CHD9: variants seen among roughly 807,000 people sequenced by gnomAD.
The protein encoded by CHD9 is ATP-dependent chromatin remodeler CHD9.
A neutral mutation model predicts 316.1 loss-of-function variants in CHD9; 77 were observed. That is an observed-to-expected ratio of 0.24 (90% CI 0.20 to 0.29). The LOEUF is 0.29. Ranked by LOEUF, CHD9 falls within the 10% of genes least tolerant of loss-of-function variation. The pLI is 1.00. For missense variants in CHD9, 2,763 were observed against 3,438.1 expected (o/e 0.80, Z 4.91); for synonymous variants, 1,129 against 1,158.3 (o/e 0.97, Z 0.51).
At chr16:53,163,820 TA>T (rs1274547917) in intron 2 of CHD9, among the ~76,000 whole-genome samples, 2 of 152,324 alleles carry the variant, frequency 1.3e-5, no homozygotes, top group African/African-American at 2.4e-5. Context: ...AGCATAGTAA[TA>T]AAAAATTAGA....
intron 1 of CHD9, among the ~76,000 whole-genome samples, chr16:53,113,170 C>T (rs1013816901): frequency 2.0e-5 from 3 of 151,926 alleles, no homozygotes; most frequent in South Asian, 2.1e-4. Flanking sequence ...GGTGACAGAG[C>T]GAGACCTTGT....
At chr16:53,274,059 ATATAT>A (rs2052553847) in intron 23 of CHD9, among the ~76,000 whole-genome samples, 149 bp from the exon 24 acceptor site, 1 of 152,182 alleles carries the variant, frequency 6.6e-6, no homozygotes, top group Non-Finnish European at 1.5e-5. Context: ...GAAGTTCTTT[ATATAT>A]ATGGTAGTAA....
intron 16 of CHD9, chr16:53,248,081 C>CT (rs1420680432): frequency 6.6e-6 from 1 of 151,922 alleles, no homozygotes; most frequent in Non-Finnish European, 1.5e-5. Context: ...AATCCCAGCA[C>CT]TTTGGGAGCC....
intron 16 of CHD9, chr16:53,248,163 TAA>T (rs11321026): frequency 4.1e-4 from 59 of 142,492 alleles, no homozygotes; most frequent in South Asian, 4.4e-4. Context: ...ACGTCTCTAC[TAA>T]AAAAAAAAAA....
intron 19 of CHD9, among the ~76,000 whole-genome samples, chr16:53,259,109 A>G (rs914115363): frequency 2.0e-5 from 3 of 152,222 alleles, no homozygotes; most frequent in Admixed American, 6.5e-5. Flanking sequence ...ATTAGGATTT[A>G]GTATTTGGAA....
In CHD9 at chr16:53,157,207, A is replaced by G. The variant is rs756159207; in HGVS notation, c.1118A>G (p.His373Arg). 1.9e-6 allele frequency: 3 copies of G among 1,605,066 alleles called. No individual in the cohort carries two copies. In the South Asian group the frequency reaches 3.3e-5, roughly 18 times the overall value. ...DPVDSGTQMG[H>R]FNDHVETNGF... The stretch of plus-strand genomic sequence containing the variant: ...GTTGACTCAGGAACTCAAATGGGCC[A>G]TTTCAATGATCATGTAGAAACTAAT... Residue 373 changes from histidine (H) to arginine (R), a missense_variant, in exon 2 of 39, where the codon CAT becomes CGT. Around this residue, in one of 15 missense-constraint regions of CHD9, gnomAD observed 859 missense variants for 890.4 expected, o/e 0.96. Transcript: ENST00000447540.
chr16:53,141,390 G>A (rs1430508144), intron 1 of CHD9, among the ~76,000 whole-genome samples: 4 of 152,126 alleles, frequency 2.6e-5, no homozygotes, highest in Non-Finnish European at 4.4e-5. Context: ...CTTTCACTAA[G>A]GGATACGTGA....
rs547026403 is a variant in CHD9, at chr16:53,172,378, TTAAAA to T, written c.1452+14841_1452+14845del. Among the ~76,000 whole-genome samples the T allele has an allele frequency of 4.6e-3, 708 of 152,334 alleles. 3 individuals carry two copies. The highest frequency in any genetic ancestry group is 7.4e-3 in the Non-Finnish European group (506 of 68,018). ...TAAAATAATTCATTCCCTTTTATTG[TTAAAA>T]TAATATTTCATTATATGGATCTACT... On this transcript the variant is annotated intron_variant, in intron 2 of 38. Transcript: ENST00000447540.
intron 1 of CHD9, among the ~76,000 whole-genome samples, chr16:53,099,828 C>A (rs1218295917): frequency 5.9e-5 from 9 of 152,232 alleles, no homozygotes; most frequent in Non-Finnish European, 1.3e-4. Context: ...TGGCGTGGTG[C>A]CCTGGCAGCC....
At position 53,245,858 on chromosome 16, in the gene CHD9, A is replaced by C; in HGVS notation, c.3454+8A>C. On this transcript the variant is annotated splice_region_variant and intron_variant, in intron 15 of 38. Coordinates refer to ENST00000447540, the MANE Select transcript of CHD9 (RefSeq NM_001308319.2). The surrounding 1 kb of genome is among the most constrained non-coding windows in gnomAD (Gnocchi z 4.1). Reference sequence around the variant, plus strand: ...ATCCATATCTTATAAAAGGTAGCTAAAAAAGATTACAACAAATATGTTTTT... The same window carrying C: ...ATCCATATCTTATAAAAGGTAGCTACAAAAGATTACAACAAATATGTTTTT... 1.4e-6 allele frequency: 2 copies of C among 1,480,444 alleles called. No individual in the cohort carries two copies. The highest frequency in any genetic ancestry group is 1.8e-6 in the Non-Finnish European group (2 of 1,115,326). 91.7% of individuals were successfully genotyped at this position (1,480,444 alleles called of 1,614,324 possible). A position where few individuals can be genotyped will look rare whatever the true frequency, so the allele number is the denominator to read the frequency against.
At chr16:53,222,023 CTT>C (rs201154915) in intron 3 of CHD9, among the ~76,000 whole-genome samples, 199 of 145,358 alleles carry the variant, frequency 1.4e-3, no homozygotes, top group Non-Finnish European at 1.4e-3. Context: ...ACTTGATTGC[CTT>C]TTTTTTTTTA....
intron 8 of CHD9, among the ~76,000 whole-genome samples, chr16:53,229,677 T>C (rs1238800824): frequency 6.6e-6 from 1 of 152,244 alleles, no homozygotes; most frequent in Non-Finnish European, 1.5e-5. Context: ...AATTCTCACA[T>C]TTATTTTAAC....
intron 32 of CHD9, 61 bp downstream of exon 32, chr16:53,306,458 A>G (rs760023035): frequency 3.4e-5 from 45 of 1,323,866 alleles, no homozygotes; most frequent in Middle Eastern, 2.0e-4. Flanking sequence ...TATTGCTTCA[A>G]TGGTAGATAT....
intron 22 of CHD9, among the ~76,000 whole-genome samples, chr16:53,270,803 T>C (rs968809831): frequency 1.3e-5 from 2 of 152,160 alleles, no homozygotes; most frequent in African/African-American, 4.8e-5. Flanking sequence ...GCTTTACAGA[T>C]TTCCCAAATG....
intron 37 of CHD9, 43 bp from the exon 38 acceptor site, chr16:53,321,483 T>C (rs2057270918): frequency 1.4e-5 from 21 of 1,480,186 alleles, no homozygotes; most frequent in Non-Finnish European, 1.8e-5. Flanking sequence ...AAGAGTTTTC[T>C]ATGTAACAGT....
In CHD9 at chr16:53,245,188, A is replaced by G. The variant is rs769179731; in HGVS notation, c.3055-148A>G. On this transcript the variant is annotated intron_variant, in intron 13 of 38. Transcript: ENST00000447540. The surrounding 1 kb of genome is among the most constrained non-coding windows in gnomAD (Gnocchi z 4.1). ...TGTCTCTAAACAAACAAACAAATATATATATATACACACACACACACATAA... is the reference window on the plus strand; with the variant it reads ...TGTCTCTAAACAAACAAACAAATATGTATATATACACACACACACACATAA... The G allele has an allele frequency of 1.8e-5, 9 of 499,052 alleles. No individual in the cohort carries two copies. The highest frequency in any genetic ancestry group is 8.8e-5 in the Admixed American group (2 of 22,632). The allele number at this position is 499,052 out of a possible 1,614,324, so 30.9% of individuals were successfully genotyped here.
chr16:53,056,746 C>G (rs1020113666), intron 1 of CHD9, among the ~76,000 whole-genome samples: 1 of 152,160 alleles, frequency 6.6e-6, no homozygotes, highest in Non-Finnish European at 1.5e-5. Flanking sequence ...TTATTGAGAG[C>G]CTACTGTGGG....
rs185359957 is a variant in CHD9, at chr16:53,120,188, C to A, written c.-164-35738C>A. 1.0e-3 allele frequency among the ~76,000 whole-genome samples: 154 copies of A among 152,230 alleles called. 1 individual carries two copies. Among genetic ancestry groups the A allele is most frequent in the African/African-American group, 3.6e-3 (150 of 41,532 alleles). ...TGGAGGTTGCAACAAACTATGATTG[C>A]ACCACTGCTCTCTAACCTGGGCAAC... On this transcript the variant is annotated intron_variant, in intron 1 of 38. Coordinates refer to ENST00000447540, the MANE Select transcript of CHD9 (RefSeq NM_001308319.2).
rs1755294744 is a variant in CHD9 at position 53,324,973 on chromosome 16, G to A, written c.*78G>A. ...AATTAATTGTAAATACCCCAGTGTT[G>A]AGTGCATCAATAACTTACTGACCGA... On this transcript the variant is annotated 3_prime_UTR_variant, in exon 39 of 39. Coordinates refer to ENST00000447540, the MANE Select transcript of CHD9 (RefSeq NM_001308319.2). 8.2e-7 allele frequency: 1 copy of A among 1,214,922 alleles called. No individual in the cohort carries two copies. The allele number at this position is 1,214,922 out of a possible 1,614,324, so 75.3% of individuals were successfully genotyped here.
Sources: allele counts gnomAD v4.1 joint callset (sites outside exome capture counted in the v4.1 genomes callset), GRCh38; gene constraint gnomAD v4.1.1; regional missense constraint gnomAD v4.1.1; non-coding constraint Gnocchi (gnomAD v3.1); transcripts MANE v1.5; gene names NCBI Gene and HGNC (gene_info 2026-07-23, HGNC 2026-07-21).